Variants in NME7 observed in about 807,000 individuals in gnomAD.
NME7 encodes NME/NM23 family member 7.
In NME7, 41 loss-of-function variants were observed where a neutral mutation model predicts 49.1. That is an observed-to-expected ratio of 0.83 (90% CI 0.65 to 1.08). NME7 has a LOEUF of 1.08. NME7 is among the 50% of genes least tolerant of loss of function. NME7 has a pLI of 0.00. For missense variants in NME7, 423 were observed against 463.4 expected, an observed-to-expected ratio of 0.91 and a Z score of 0.80; for synonymous variants, 139 against 150.6, an observed-to-expected ratio of 0.92 and a Z score of 0.56.
chr1:169,245,470 G>A (rs1219484919), intron 7 of NME7, among the ~76,000 whole-genome samples: 1 of 152,072 alleles, frequency 6.6e-6, no homozygotes, highest in Non-Finnish European at 1.5e-5. Context: ...GGGGTGGTGG[G>A]AAATAAAACG....
intron 7 of NME7, among the ~76,000 whole-genome samples, chr1:169,243,334 C>T (rs984749290): frequency 5.3e-5 from 8 of 151,934 alleles, no homozygotes; most frequent in African/African-American, 1.2e-4. Context: ...ATAAAGTCTC[C>T]AAGAAAAAAG....
rs1390775916 is a variant in NME7, at chr1:169,261,573, C to T, written c.755-23886G>A. On this transcript the variant is annotated intron_variant, in intron 7 of 11. Coordinates refer to ENST00000367811, the MANE Select transcript of NME7 (RefSeq NM_013330.5). ...CTGAAAATCAAAAGGTGACTCTTCC[C>T]TAACCATCTCCTTGGTTGCTATTGA... Among the ~76,000 whole-genome samples the T allele has an allele frequency of 2.2e-5, 3 of 133,408 alleles. 1 individual carries two copies. The highest frequency in any genetic ancestry group is 5.3e-5 in the Non-Finnish European group (3 of 56,836). The allele number at this position is 133,408 out of a possible 152,430, so 87.5% of individuals were successfully genotyped here.
chr1:169,198,198 A>G (rs1660442196), intron 10 of NME7, among the ~76,000 whole-genome samples: 1 of 152,094 alleles, frequency 6.6e-6, no homozygotes, highest in South Asian at 2.1e-4. Flanking sequence ...AAAAAGTCAT[A>G]CTAACATATA....
chr1:169,294,450 G>A (rs1331893820), intron 6 of NME7, among the ~76,000 whole-genome samples: 4 of 152,136 alleles, frequency 2.6e-5, no homozygotes, highest in Non-Finnish European at 5.9e-5. Context: ...ATAAGTCTAT[G>A]TTTTGGTAAA....
chr1:169,314,810 G>C (rs929124153), intron 3 of NME7, among the ~76,000 whole-genome samples: 1 of 151,700 alleles, frequency 6.6e-6, no homozygotes, highest in East Asian at 1.9e-4. Context: ...CTAATGAAAG[G>C]CACACATAGA....
At position 169,271,651 on chromosome 1, in the gene NME7, T is replaced by C. The variant is rs896172567; in HGVS notation, c.754+15652A>G. Among the ~76,000 whole-genome samples the C allele has an allele frequency of 1.5e-5, 2 of 133,598 alleles. 1 individual carries two copies. The highest frequency in any genetic ancestry group is 5.1e-5 in the African/African-American group (2 of 39,518). 87.6% of individuals were successfully genotyped at this position (133,598 alleles called of 152,430 possible). On this transcript the variant is annotated intron_variant, in intron 7 of 11. Transcript: ENST00000367811. ...AAGGAATAAACTTAGCTTTGCTTCATCAACAGGATATTCTGGCCTTTTTTT... is the reference window on the plus strand; with the variant it reads ...AAGGAATAAACTTAGCTTTGCTTCACCAACAGGATATTCTGGCCTTTTTTT...
intron 10 of NME7, among the ~76,000 whole-genome samples, chr1:169,171,204 C>T (rs1227901498): frequency 1.3e-5 from 2 of 151,806 alleles, no homozygotes; most frequent in Middle Eastern, 3.2e-3. Context: ...CCCGTTGCTA[C>T]AAAAAATACA....
In NME7 at chr1:169,333,219, C is replaced by T. The variant is rs1652325486; in HGVS notation, c.4-8719G>A. 2.0e-5 allele frequency among the ~76,000 whole-genome samples: 3 copies of T among 151,990 alleles called. No individual in the cohort carries two copies. The South Asian group carries it at 6.2e-4, about 32-fold the overall frequency. ...AAGCTAGGCAAAGAAAGACAAACATCACATGTTCTCACTTATCTGTGGGTT... is the reference window on the plus strand; with the variant it reads ...AAGCTAGGCAAAGAAAGACAAACATTACATGTTCTCACTTATCTGTGGGTT... On this transcript the variant is annotated intron_variant, in intron 1 of 11. Transcript: ENST00000367811.
intron 7 of NME7, among the ~76,000 whole-genome samples, chr1:169,253,580 C>A (rs578005070): frequency 5.3e-5 from 8 of 152,148 alleles, no homozygotes; most frequent in East Asian, 3.9e-4. Flanking sequence ...ATTGCCCGGG[C>A]CAGAATTTCA....
intron 11 of NME7, among the ~76,000 whole-genome samples, chr1:169,162,914 C>T (rs1659292348): frequency 6.6e-6 from 1 of 152,118 alleles, no homozygotes; most frequent in Non-Finnish European, 1.5e-5. Context: ...AAAATTTGAA[C>T]ATACTTGAAT....
chr1:169,214,926 T>C (rs1051684254), intron 10 of NME7, among the ~76,000 whole-genome samples: 1 of 152,248 alleles, frequency 6.6e-6, no homozygotes, highest in East Asian at 1.9e-4. Flanking sequence ...AGTGGGCCCT[T>C]TGCCTTATGT....
intron 11 of NME7, 25 bp from the exon 12 acceptor site, chr1:169,132,842 C>CTTAG: frequency 6.2e-7 from 1 of 1,611,232 alleles, no homozygotes; most frequent in South Asian, 1.1e-5. Context: ...CACATAATTT[C>CTTAG]TTAGTTCAGA....
At chr1:169,309,663 T>C (rs955830458) in intron 4 of NME7, among the ~76,000 whole-genome samples, 6 of 152,140 alleles carry the variant, frequency 3.9e-5, no homozygotes, top group African/African-American at 1.4e-4. Context: ...AGTTGATTTG[T>C]GAGCCACACT....
chr1:169,310,677 T>C (rs1651348066), intron 3 of NME7: 1 of 152,202 alleles, frequency 6.6e-6, no homozygotes, highest in Non-Finnish European at 1.5e-5. Context: ...CATTCTCCAC[T>C]CTCCCCCTCT....
chr1:169,256,430 C>A (rs1262458948), intron 7 of NME7, among the ~76,000 whole-genome samples: 3 of 133,696 alleles, frequency 2.2e-5, no homozygotes, highest in Non-Finnish European at 5.3e-5. Context: ...CCTTTAAGCA[C>A]TTCTCTGTAT....
chr1:169,137,973 T>C (rs1243687801), intron 11 of NME7, among the ~76,000 whole-genome samples: 1 of 152,260 alleles, frequency 6.6e-6, no homozygotes, highest in South Asian at 2.1e-4. Flanking sequence ...TCTTCAGATA[T>C]GCTTATCTTC....
chr1:169,334,704 T>C (rs1652391363), intron 1 of NME7, among the ~76,000 whole-genome samples: 1 of 151,898 alleles, frequency 6.6e-6, no homozygotes, highest in African/African-American at 2.4e-5. Context: ...AAAGCAAAAA[T>C]TGACAATAGG....
chr1:169,222,403 G>A (rs1400557005), intron 10 of NME7, among the ~76,000 whole-genome samples: 1 of 152,100 alleles, frequency 6.6e-6, no homozygotes, highest in Non-Finnish European at 1.5e-5. Flanking sequence ...ATGAAGTCCT[G>A]TAAGTCAGCT....
At chr1:169,220,892 T>C (rs763783953) in intron 10 of NME7, among the ~76,000 whole-genome samples, 2 of 152,258 alleles carry the variant, frequency 1.3e-5, no homozygotes, top group African/African-American at 2.4e-5. Context: ...TCTGTGGATA[T>C]GCCTGTTATC....
Sources: gnomAD v4.1 joint callset for allele counts (sites outside exome capture counted in the v4.1 genomes callset) on GRCh38, gnomAD v4.1.1 for gene constraint, MANE v1.5 for transcripts, NCBI Gene and HGNC (gene_info 2026-07-23, HGNC 2026-07-21) for gene names.